The following SLC24A2 variants were observed in gnomAD, a reference collection of about 807,000 sequenced individuals.
SLC24A2 encodes the protein solute carrier family 24 member 2.
SLC24A2 carries 36 observed loss-of-function variants against 62.0 expected under a neutral mutation model. That is an observed-to-expected ratio of 0.58 (90% CI 0.44 to 0.77). The LOEUF (loss-of-function observed/expected upper bound fraction) is 0.77, where lower values mean the gene tolerates loss of function less well. Ranked by LOEUF, SLC24A2 falls within the 30% of genes least tolerant of loss-of-function variation. SLC24A2 has a pLI of 0.00. For synonymous variants in SLC24A2, 358 were observed against 294.0 expected, an observed-to-expected ratio of 1.22 and a Z score of -2.23; for missense variants, 846 against 817.9, an observed-to-expected ratio of 1.03 and a Z score of -0.42.
the SLC24A2 span, among the ~76,000 whole-genome samples, chr9:20,044,746 T>C: frequency 1.3e-5 from 2 of 152,130 alleles, no homozygotes; most frequent in Non-Finnish European, 2.9e-5. Flanking sequence ...GATTATCCTA[T>C]TTTTTTGTTT....
At chr9:20,081,521 C>T in the SLC24A2 span, among the ~76,000 whole-genome samples, 6 of 151,144 alleles carry the variant, frequency 4.0e-5, no homozygotes, top group Non-Finnish European at 8.8e-5. Context: ...GGAGATATAC[C>T]TAAGGTTAAA....
At chr9:19,951,331 AGAAGAG>A in the SLC24A2 span, among the ~76,000 whole-genome samples, 6 of 151,866 alleles carry the variant, frequency 4.0e-5, no homozygotes, top group Non-Finnish European at 8.8e-5. Context: ...CAGTGTCTTT[AGAAGAG>A]GAAAAGTTTT....
chr9:20,265,769 A>T, the SLC24A2 span, among the ~76,000 whole-genome samples: 4 of 152,246 alleles, frequency 2.6e-5, no homozygotes, highest in Non-Finnish European at 5.9e-5. Context: ...GAACAGAGCC[A>T]TATTTCTCTT....
the SLC24A2 span, among the ~76,000 whole-genome samples, chr9:19,818,356 TC>T: frequency 3.9e-5 from 6 of 152,096 alleles, no homozygotes; most frequent in Non-Finnish European, 8.8e-5. Context: ...ATGGGATAAA[TC>T]TGCTCTTTGA....
At chr9:20,031,016 C>T in the SLC24A2 span, among the ~76,000 whole-genome samples, 5 of 151,944 alleles carry the variant, frequency 3.3e-5, no homozygotes, top group African/African-American at 1.2e-4. Flanking sequence ...ATTCCTTGGC[C>T]CGTCCAAAGA....
chr9:19,776,188 A>AG (rs1822840860), intron 2 of SLC24A2, among the ~76,000 whole-genome samples: 1 of 152,234 alleles, frequency 6.6e-6, no homozygotes, highest in Non-Finnish European at 1.5e-5. Flanking sequence ...TCACAATGTG[A>AG]AAAGTGAATC....
Position 19,736,807 on chromosome 9 carries a change from A to G in SLC24A2, c.930+49130T>C, listed in dbSNP as rs371998372. On this transcript the variant is annotated intron_variant, in intron 2 of 10. Transcript: ENST00000341998. ...TTTAAAATTATAGTAAGCTATGATCATGCCACTGTACTTCAGCCTGGGTGA... is the reference window on the plus strand; with the variant it reads ...TTTAAAATTATAGTAAGCTATGATCGTGCCACTGTACTTCAGCCTGGGTGA... Among the ~76,000 whole-genome samples, 11 of 152,330 alleles carry G rather than the reference A, an allele frequency of 7.2e-5. No individual in the cohort carries two copies. In the South Asian group the frequency reaches 2.3e-3, roughly 32 times the overall value.
the SLC24A2 span, among the ~76,000 whole-genome samples, chr9:20,077,436 A>T: frequency 1.3e-5 from 2 of 152,146 alleles, no homozygotes; most frequent in African/African-American, 4.8e-5. Context: ...TTTCTTAAAT[A>T]AAAAAAATGT....
chr9:20,194,961 T>G, the SLC24A2 span, among the ~76,000 whole-genome samples: 48 of 152,284 alleles, frequency 3.2e-4, no homozygotes, highest in Middle Eastern at 3.4e-3. Flanking sequence ...GTGTTTTTCT[T>G]TATAGTTTTA....
At chr9:19,849,714 C>G in the SLC24A2 span, among the ~76,000 whole-genome samples, 2 of 152,212 alleles carry the variant, frequency 1.3e-5, no homozygotes, top group African/African-American at 2.4e-5. Flanking sequence ...GTCATGTATC[C>G]AACTAAACGT....
the SLC24A2 span, among the ~76,000 whole-genome samples, chr9:20,138,558 T>C: frequency 9.8e-5 from 15 of 152,320 alleles, no homozygotes; most frequent in African/African-American, 3.4e-4. Flanking sequence ...GCAGACTATT[T>C]GTTCTGAGGT....
chr9:19,911,039 G>T, the SLC24A2 span, among the ~76,000 whole-genome samples: 2 of 150,720 alleles, frequency 1.3e-5, no homozygotes, highest in Non-Finnish European at 1.5e-5. Context: ...TTAGCATTAG[G>T]TGTATCTCTT....
the SLC24A2 span, among the ~76,000 whole-genome samples, chr9:20,021,179 T>C: frequency 3.6e-3 from 551 of 152,292 alleles, 1 homozygote; most frequent in Non-Finnish European, 5.9e-3. Context: ...GAATAATTTT[T>C]ATTTTTTAAA....
intron 2 of SLC24A2, among the ~76,000 whole-genome samples, chr9:19,678,184 G>T (rs1054461262): frequency 6.6e-6 from 1 of 152,208 alleles, no homozygotes; most frequent in African/African-American, 2.4e-5. Flanking sequence ...CGCAGAGCAG[G>T]TGCTTAATAA....
At chr9:20,208,720 C>G in the SLC24A2 span, among the ~76,000 whole-genome samples, 2 of 152,132 alleles carry the variant, frequency 1.3e-5, no homozygotes, top group African/African-American at 2.4e-5. Flanking sequence ...GTAGATAGAC[C>G]CCCATCTAGG....
chr9:20,219,639 A>T, the SLC24A2 span, among the ~76,000 whole-genome samples: 4 of 152,184 alleles, frequency 2.6e-5, no homozygotes, highest in African/African-American at 9.7e-5. Flanking sequence ...AGGAAGATCA[A>T]TGACCGTTGG....
chr9:20,254,392 G>T, the SLC24A2 span, among the ~76,000 whole-genome samples: 1 of 152,160 alleles, frequency 6.6e-6, no homozygotes, highest in African/African-American at 2.4e-5. Context: ...TAGGAGCTGG[G>T]TACTGGGAAT....
chr9:19,831,530 T>C, the SLC24A2 span, among the ~76,000 whole-genome samples: 2 of 152,200 alleles, frequency 1.3e-5, no homozygotes, highest in Admixed American at 1.3e-4. Flanking sequence ...TAAATAAATT[T>C]GAAATCAAAT....
chr9:19,640,770 G>A (rs1277887923), intron 2 of SLC24A2, among the ~76,000 whole-genome samples: 1 of 152,154 alleles, frequency 6.6e-6, no homozygotes, highest in Non-Finnish European at 1.5e-5. Context: ...AGAATAAGCA[G>A]CTGGTTCATG....
Sources: gnomAD v4.1 joint callset for allele counts (sites outside exome capture counted in the v4.1 genomes callset) on GRCh38, gnomAD v4.1.1 for gene constraint, MANE v1.5 for transcripts, NCBI Gene and HGNC (gene_info 2026-07-23, HGNC 2026-07-21) for gene names.